TMEM44: variants seen among roughly 807,000 people sequenced by gnomAD.
The protein encoded by TMEM44 is transmembrane protein 44.
In TMEM44, 43 loss-of-function variants were observed where a neutral mutation model predicts 47.8. The ratio of observed to expected loss-of-function variants is 0.90; its 90% CI spans 0.70 to 1.16. The LOEUF (loss-of-function observed/expected upper bound fraction) is 1.16, where lower values mean the gene tolerates loss of function less well. Ranked by LOEUF, TMEM44 falls within the 50% of genes most tolerant of loss-of-function variation. The pLI is 0.00. For synonymous variants in TMEM44, 277 were observed against 238.8 expected (o/e 1.16, Z -1.48); for missense variants, 568 against 555.2 (o/e 1.02, Z -0.23).
intron 5 of TMEM44, among the ~76,000 whole-genome samples, chr3:194,618,437 TTTATA>T (rs1369493320): frequency 1.3e-5 from 2 of 150,020 alleles, no homozygotes; most frequent in African/African-American, 4.9e-5. Context: ...TTGTAAATAG[TTTATA>T]TTAAACTCAT....
intron 8 of TMEM44, among the ~76,000 whole-genome samples, chr3:194,605,422 T>G (rs1714667954): frequency 1.3e-5 from 2 of 152,192 alleles, no homozygotes; most frequent in African/African-American, 2.4e-5. Flanking sequence ...TACCCAAGAC[T>G]GGGAAGAAGA....
rs111905771 is a variant in TMEM44, at chr3:194,624,727, C to CTT, written c.359-1033_359-1032insAA. Among the ~76,000 whole-genome samples the CTT allele has an allele frequency of 3.9e-4, 58 of 148,874 alleles. 1 individual carries two copies. Among genetic ancestry groups the CTT allele is most frequent in the East Asian group, 5.9e-4 (3 of 5,060 alleles). ...AGCCACCACACCACTTGGTTCATCC[C>CTT]CTTTTTTTTTTTGAGACAGAGTTTT... On this transcript the variant is annotated intron_variant, in intron 3 of 9. Transcript: ENST00000347147.
intron 3 of TMEM44, among the ~76,000 whole-genome samples, chr3:194,624,786 G>C (rs575505992): frequency 1.3e-5 from 2 of 151,194 alleles, no homozygotes; most frequent in Non-Finnish European, 2.9e-5. Context: ...GCAGTTGTGC[G>C]ATCTGCAACC....
chr3:194,605,414 C>G (rs1560171672), intron 8 of TMEM44, among the ~76,000 whole-genome samples: 1 of 152,198 alleles, frequency 6.6e-6, no homozygotes, highest in African/African-American at 2.4e-5. Context: ...CAAAGACATA[C>G]CCAAGACTGG....
chr3:194,593,624 T>C (rs1713023650), intron 9 of TMEM44, among the ~76,000 whole-genome samples: 1 of 152,252 alleles, frequency 6.6e-6, no homozygotes, highest in African/African-American at 2.4e-5. Flanking sequence ...CTCCAGCACC[T>C]CCTGCAGCGC....
At chr3:194,628,226 G>C (rs529072377) in intron 2 of TMEM44, among the ~76,000 whole-genome samples, 157 bp downstream of exon 2, 3 of 152,326 alleles carry the variant, frequency 2.0e-5, no homozygotes, top group Admixed American at 1.3e-4. Context: ...GAGCCTCTGA[G>C]GGGGGCAGAA....
At chr3:194,595,307 G>A (rs995815727) in intron 9 of TMEM44, among the ~76,000 whole-genome samples, 2 of 152,116 alleles carry the variant, frequency 1.3e-5, no homozygotes, top group African/African-American at 4.8e-5. Flanking sequence ...ATGTCTAAAA[G>A]CACATTTTTC....
Position 194,625,980 on chromosome 3 carries a change from C to T in TMEM44, c.275G>A (p.Gly92Asp). ...ARQLTIQVFT[G>D]AYLAAIDLVN... ...TAAGTCAATAGCTGCTAGGTAGGCA[C>T]CAGTGAAAACCTGGGAGCAAACGGG... Residue 92 changes from glycine (G) to aspartate (D), a missense_variant, in exon 3 of 10, where the codon GGT becomes GAT. Coordinates refer to ENST00000347147, the MANE Select transcript of TMEM44 (RefSeq NM_001011655.3). 6 of 1,613,322 alleles carry T rather than the reference C, an allele frequency of 3.7e-6. No individual in the cohort carries two copies. The highest frequency in any genetic ancestry group is 5.1e-6 in the Non-Finnish European group (6 of 1,179,390).
At chr3:194,594,149 A>ATCTG (rs1184806177) in intron 9 of TMEM44, among the ~76,000 whole-genome samples, 12 of 98,672 alleles carry the variant, frequency 1.2e-4, no homozygotes, top group South Asian at 8.3e-4. Context: ...CTATCTATCT[A>ATCTG]TCTATCTATC....
In TMEM44 at chr3:194,610,983, C is replaced by T; in HGVS notation, c.950G>A (p.Cys317Tyr). 1.9e-6 allele frequency: 3 copies of T among 1,613,998 alleles called. No homozygotes were observed. The South Asian group carries it at 3.3e-5, about 18-fold the overall frequency. The change falls in exon 8 of 10, where the codon TGC becomes TAC. Residue 317 changes from cysteine (C) to tyrosine (Y), a missense_variant. Physicochemically the swap from Cys to Tyr is radical, Grantham distance 194. Transcript: ENST00000347147. ...DWVPLTTLSH[C>Y]KSLRTMTAIS... ...TGCTGTCATTGTCCTCAGTGACTTGCAGTGTGACAGTGTGGTGAGAGGCAC... is the reference window on the plus strand; with the variant it reads ...TGCTGTCATTGTCCTCAGTGACTTGTAGTGTGACAGTGTGGTGAGAGGCAC...
intron 1 of TMEM44, among the ~76,000 whole-genome samples, chr3:194,630,791 A>T (rs1307679853): frequency 1.4e-5 from 2 of 144,630 alleles, no homozygotes; most frequent in Admixed American, 1.4e-4. Context: ...ACGTTGTCGC[A>T]CGTGCCTCCT....
chr3:194,608,983 C>G (rs1715044612), intron 8 of TMEM44, among the ~76,000 whole-genome samples: 1 of 152,166 alleles, frequency 6.6e-6, no homozygotes, highest in Non-Finnish European at 1.5e-5. Context: ...CTGCTGGACT[C>G]AAGACCTAGT....
intron 8 of TMEM44, among the ~76,000 whole-genome samples, chr3:194,606,952 CAAA>C (rs561876150): frequency 0.14 from 15,587 of 111,748 alleles, 1,318 homozygotes; most frequent in South Asian, 0.28. Flanking sequence ...GACTCTGCCT[CAAA>C]AAAAAAAAGG....
chr3:194,605,465 TG>T (rs1714672013), intron 8 of TMEM44, among the ~76,000 whole-genome samples: 1 of 152,194 alleles, frequency 6.6e-6, no homozygotes, highest in East Asian at 1.9e-4. Flanking sequence ...TCCACATGGC[TG>T]GGGAGGCCTC....
intron 9 of TMEM44, among the ~76,000 whole-genome samples, chr3:194,591,252 G>T (rs1472787760): frequency 1.3e-5 from 2 of 151,684 alleles, no homozygotes; most frequent in African/African-American, 2.4e-5. Flanking sequence ...CAACACTCTG[G>T]GAGGCTGAGG....
intron 5 of TMEM44, chr3:194,617,583 C>T (rs904524416): frequency 1.5e-6 from 1 of 688,756 alleles, no homozygotes; most frequent in South Asian, 1.6e-5. Context: ...TTGATCATGA[C>T]TCAGCTCTTT....
chr3:194,632,424 T>C (rs1184739098), intron 1 of TMEM44, among the ~76,000 whole-genome samples: 1 of 152,194 alleles, frequency 6.6e-6, no homozygotes, highest in Non-Finnish European at 1.5e-5. Context: ...TGGATTTCCA[T>C]GCCTAGGACA....
At chr3:194,592,545 C>G (rs1304324182) in intron 9 of TMEM44, among the ~76,000 whole-genome samples, 1 of 152,194 alleles carries the variant, frequency 6.6e-6, no homozygotes, top group Middle Eastern at 3.2e-3. Context: ...CCTGAATACC[C>G]CCAAAGCAGA....
At chr3:194,615,107 T>A (rs552245526) in intron 7 of TMEM44, among the ~76,000 whole-genome samples, 1 of 152,124 alleles carries the variant, frequency 6.6e-6, no homozygotes, top group African/African-American at 2.4e-5. Context: ...CCGGGCGTGG[T>A]GACATGTGCC....
Sources: allele counts gnomAD v4.1 joint callset (sites outside exome capture counted in the v4.1 genomes callset), GRCh38; gene constraint gnomAD v4.1.1; transcripts MANE v1.5; gene names NCBI Gene and HGNC (gene_info 2026-07-23, HGNC 2026-07-21).